The following ASTN2 variants were observed in gnomAD, a reference collection of about 807,000 sequenced individuals.
The protein encoded by ASTN2 is astrotactin 2, also known as astrotactin-2.
ASTN2 carries 54 observed loss-of-function variants against 139.8 expected under a neutral mutation model. The observed-to-expected ratio is 0.39, with a 90% CI of 0.31 to 0.48. The LOEUF (loss-of-function observed/expected upper bound fraction) is 0.48. ASTN2 is among the 20% of genes least tolerant of loss of function. ASTN2 has a pLI of 0.95. For missense variants in ASTN2, 1,565 were observed against 1,725.1 expected (o/e 0.91, Z 1.64); for synonymous variants, 756 against 719.5 (o/e 1.05, Z -0.81).
chr9:116,976,003 G>A, intron 9 of ASTN2, 111 bp downstream of exon 9: 1 of 994,090 alleles, frequency 1.0e-6, no homozygotes, highest in Non-Finnish European at 1.6e-6. Context: ...TTTGTACTCA[G>A]TGCAGCTCAG....
At chr9:117,352,675 A>C (rs1433032869) in intron 1 of ASTN2, among the ~76,000 whole-genome samples, 1 of 152,214 alleles carries the variant, frequency 6.6e-6, no homozygotes, top group East Asian at 1.9e-4. Context: ...TTAAGGATTA[A>C]GATATCCATT....
chr9:116,639,627 T>C (rs1217411090), intron 17 of ASTN2, among the ~76,000 whole-genome samples: 3 of 152,194 alleles, frequency 2.0e-5, no homozygotes, highest in African/African-American at 7.2e-5. Flanking sequence ...AGCCCAGCAT[T>C]GCCCTGGCTG....
chr9:117,016,739 T>TTATATATATATGTTACA lies in ASTN2; in HGVS notation c.1424-8481_1424-8480insTGTAACATATATATATA, dbSNP rs1212197325. ...TATATATATATGTTATATATATAGG[T>TTATATATATATGTTACA]TATATATAGGTTTTATATATAGGTT... is the stretch of plus-strand genomic sequence containing the variant. On this transcript the variant is annotated intron_variant, in intron 6 of 22. Coordinates refer to ENST00000313400, the MANE Select transcript of ASTN2 (RefSeq NM_001365068.1). 2.5e-4 allele frequency among the ~76,000 whole-genome samples: 34 copies of TTATATATATATGTTACA among 137,316 alleles called. 1 individual carries two copies. Among genetic ancestry groups the TTATATATATATGTTACA allele is most frequent in the South Asian group, 6.7e-4 (3 of 4,470 alleles). 90.1% of individuals were successfully genotyped at this position (137,316 alleles called of 152,430 possible).
At chr9:116,656,254 G>A (rs1858205519) in intron 16 of ASTN2, among the ~76,000 whole-genome samples, 1 of 152,114 alleles carries the variant, frequency 6.6e-6, no homozygotes, top group Non-Finnish European at 1.5e-5. Context: ...AAGCATCGAT[G>A]AACCTAAGAG....
chr9:117,008,362 TC>T, intron 6 of ASTN2, 103 bp from the exon 7 acceptor site: 1 of 1,070,080 alleles, frequency 9.3e-7, no homozygotes, highest in Non-Finnish European at 1.3e-6. Flanking sequence ...CCCCAGGTCA[TC>T]TGATCTCATT....
At chr9:117,245,966 T>C (rs1021544721) in intron 2 of ASTN2, among the ~76,000 whole-genome samples, 1 of 152,148 alleles carries the variant, frequency 6.6e-6, no homozygotes, top group Admixed American at 6.5e-5. Flanking sequence ...ACTAGTCCAC[T>C]TCCCCCATTC....
chr9:116,983,693 G>T (rs1836584023), intron 7 of ASTN2, among the ~76,000 whole-genome samples: 1 of 152,178 alleles, frequency 6.6e-6, no homozygotes, highest in African/African-American at 2.4e-5. Context: ...CTTGGCATAT[G>T]ACTTGCTTTG....
At chr9:116,863,904 G>T (rs986416119) in intron 10 of ASTN2, among the ~76,000 whole-genome samples, 171 bp from the exon 11 acceptor site, 1 of 152,016 alleles carries the variant, frequency 6.6e-6, no homozygotes, top group African/African-American at 2.4e-5. Context: ...CATATGACAC[G>T]GTGCTTGTCA....
intron 13 of ASTN2, among the ~76,000 whole-genome samples, chr9:116,770,103 TAAA>T (rs3041036): frequency 7.4e-6 from 1 of 135,294 alleles, no homozygotes; most frequent in Non-Finnish European, 1.6e-5. Context: ...CTCTGAGAGT[TAAA>T]AAAAAAAAAA....
intron 3 of ASTN2, among the ~76,000 whole-genome samples, chr9:117,209,845 G>T (rs2133011323): frequency 6.6e-6 from 1 of 152,214 alleles, no homozygotes; most frequent in South Asian, 2.1e-4. Context: ...CACTGAAATT[G>T]TATCAAATAT....
At chr9:116,978,791 G>GAAA (rs3038406) in intron 7 of ASTN2, among the ~76,000 whole-genome samples, 7 of 149,972 alleles carry the variant, frequency 4.7e-5, no homozygotes, top group South Asian at 2.1e-4. Flanking sequence ...AGGCTTCAGG[G>GAAA]AAAAAAAAAA....
chr9:116,799,181 A>G (rs1830776605), intron 13 of ASTN2, among the ~76,000 whole-genome samples: 1 of 152,142 alleles, frequency 6.6e-6, no homozygotes, highest in East Asian at 1.9e-4. Flanking sequence ...ATCATAGGCC[A>G]CAACAGCTTT....
chr9:116,575,970 C>A (rs1853707001), intron 19 of ASTN2, among the ~76,000 whole-genome samples: 1 of 152,056 alleles, frequency 6.6e-6, no homozygotes, highest in Non-Finnish European at 1.5e-5. Flanking sequence ...CATGAGTGGC[C>A]CTTTGTCCCA....
At chr9:116,657,352 T>C (rs1342127245) in intron 16 of ASTN2, among the ~76,000 whole-genome samples, 3 of 152,236 alleles carry the variant, frequency 2.0e-5, no homozygotes, top group South Asian at 2.1e-4. Flanking sequence ...TTATTTGTTA[T>C]TGTTGTTGTT....
intron 7 of ASTN2, among the ~76,000 whole-genome samples, chr9:116,984,414 T>C (rs1282869564): frequency 1.3e-5 from 2 of 152,240 alleles, no homozygotes; most frequent in Non-Finnish European, 2.9e-5. Context: ...AGCCAATTTT[T>C]CCAACCTTAT....
chr9:116,770,078 G>C (rs922550941), intron 13 of ASTN2, among the ~76,000 whole-genome samples: 1 of 149,336 alleles, frequency 6.7e-6, no homozygotes, highest in East Asian at 2.0e-4. Flanking sequence ...GTTAAATTGG[G>C]GGCATAAACA....
At chr9:116,508,872 G>A (rs1477430787) in intron 19 of ASTN2, among the ~76,000 whole-genome samples, 9 of 152,232 alleles carry the variant, frequency 5.9e-5, no homozygotes. Context: ...GCAAAAGTCA[G>A]GGATATTGGG....
At chr9:117,388,326 T>A (rs1042544231) in intron 1 of ASTN2, among the ~76,000 whole-genome samples, 1 of 152,214 alleles carries the variant, frequency 6.6e-6, no homozygotes, top group Non-Finnish European at 1.5e-5. Context: ...AGGTATCATC[T>A]TCTTCCCTAG....
At chr9:117,291,565 C>A (rs914596585) in intron 1 of ASTN2, 52 bp from the exon 2 acceptor site, 5 of 1,509,466 alleles carry the variant, frequency 3.3e-6, no homozygotes, top group Non-Finnish European at 4.4e-6. Context: ...GGCCTTGGTG[C>A]TCCAGGGAGG....
Sources: gnomAD v4.1 joint callset for allele counts (sites outside exome capture counted in the v4.1 genomes callset) on GRCh38, gnomAD v4.1.1 for gene constraint, MANE v1.5 for transcripts, NCBI Gene and HGNC (gene_info 2026-07-23, HGNC 2026-07-21) for gene names.